The following QKI variants were observed in gnomAD, a reference collection of about 807,000 sequenced individuals.
The protein encoded by QKI is KH domain-containing RNA-binding protein QKI.
In QKI, 10 loss-of-function variants were observed where a neutral mutation model predicts 39.0. The ratio of observed to expected loss-of-function variants is 0.26; its 90% CI spans 0.16 to 0.43. The LOEUF (loss-of-function observed/expected upper bound fraction) is 0.43, where lower values mean the gene tolerates loss of function less well. QKI is among the 20% of genes least tolerant of loss of function. QKI has a pLI of 1.00. For missense variants in QKI, 218 were observed against 428.0 expected (o/e 0.51, Z 4.33); for synonymous variants, 204 against 155.4 (o/e 1.31, Z -2.33).
intron 3 of QKI, among the ~76,000 whole-genome samples, chr6:163,532,242 T>C (rs1042894718): frequency 6.6e-6 from 1 of 152,266 alleles, no homozygotes; most frequent in African/African-American, 2.4e-5. Flanking sequence ...TCCTCAGTTT[T>C]CATTGTATTA....
chr6:163,568,257 C>T, intron 7 of QKI: 1 of 985,018 alleles, frequency 1.0e-6, no homozygotes, highest in South Asian at 4.7e-5. Flanking sequence ...TTTTTTCCCC[C>T]AGCTAATCTT....
At chr6:163,570,325 G>A in intron 7 of QKI, 1 of 983,102 alleles carries the variant, frequency 1.0e-6, no homozygotes. Flanking sequence ...TAACTGCACT[G>A]ACTGTTTAAA....
intron 3 of QKI, among the ~76,000 whole-genome samples, chr6:163,534,578 T>A (rs1781077589): frequency 6.6e-6 from 1 of 152,210 alleles, no homozygotes; most frequent in Non-Finnish European, 1.5e-5. Flanking sequence ...TGACCTTCTG[T>A]TTACTTATAA....
intron 3 of QKI, among the ~76,000 whole-genome samples, chr6:163,503,340 A>G (rs1169949898): frequency 1.3e-5 from 2 of 151,988 alleles, no homozygotes; most frequent in Non-Finnish European, 2.9e-5. Flanking sequence ...GCATGTGGCT[A>G]GCCAGCTCTC....
chr6:163,458,043 C>T (rs1791059953), intron 2 of QKI, among the ~76,000 whole-genome samples: 1 of 152,156 alleles, frequency 6.6e-6, no homozygotes, highest in African/African-American at 2.4e-5. Context: ...GCAAGTACAG[C>T]TGACTCAGGC....
intron 3 of QKI, among the ~76,000 whole-genome samples, chr6:163,485,420 T>C (rs1015510155): frequency 6.6e-6 from 1 of 152,168 alleles, no homozygotes; most frequent in African/African-American, 2.4e-5. Context: ...CAGAACAGTG[T>C]TTTGCACGTA....
intron 1 of QKI, among the ~76,000 whole-genome samples, chr6:163,436,666 T>G (rs1168699805): frequency 6.6e-6 from 1 of 151,596 alleles, no homozygotes; most frequent in Non-Finnish European, 1.5e-5. Flanking sequence ...CTACAAAAAT[T>G]AGCTGGGCGT....
At chr6:163,515,736 G>T (rs1439965740) in intron 3 of QKI, among the ~76,000 whole-genome samples, 4 of 152,156 alleles carry the variant, frequency 2.6e-5, no homozygotes. Context: ...GGAATTTCAA[G>T]TGATCTTATT....
At chr6:163,420,431 G>A (rs1787906435) in intron 1 of QKI, among the ~76,000 whole-genome samples, 1 of 152,054 alleles carries the variant, frequency 6.6e-6, no homozygotes, top group Non-Finnish European at 1.5e-5. Flanking sequence ...AACTTAAAAG[G>A]CAGCCCACTG....
At chr6:163,513,916 G>A (rs1012286162) in intron 3 of QKI, among the ~76,000 whole-genome samples, 4 of 151,970 alleles carry the variant, frequency 2.6e-5, no homozygotes, top group Non-Finnish European at 5.9e-5. Context: ...ACAGGGTAAT[G>A]CAGAGGCCAG....
chr6:163,535,855 C>G lies in QKI; in HGVS notation c.546+730C>G, dbSNP rs569567927. On this transcript the variant is annotated intron_variant, in intron 4 of 7. Coordinates refer to ENST00000361752, the MANE Select transcript of QKI (RefSeq NM_006775.3). Reference sequence around the variant, plus strand: ...GCTGAGGCATGAGAATCGCCTGAGCCTGGGAGGCAGAGGTTGCAGTGAGCT... The same window carrying G: ...GCTGAGGCATGAGAATCGCCTGAGCGTGGGAGGCAGAGGTTGCAGTGAGCT... Among the ~76,000 whole-genome samples the G allele has an allele frequency of 2.6e-5, 4 of 152,222 alleles. No individual in the cohort carries two copies. In the East Asian group the frequency reaches 7.7e-4, roughly 29 times the overall value.
chr6:163,505,972 A>G (rs1449634575), intron 3 of QKI, among the ~76,000 whole-genome samples: 1 of 152,056 alleles, frequency 6.6e-6, no homozygotes, highest in Non-Finnish European at 1.5e-5. Flanking sequence ...ATTGGATCAT[A>G]GGGGTGGTTT....
chr6:163,427,686 C>A (rs960119947), intron 1 of QKI, among the ~76,000 whole-genome samples: 1 of 151,444 alleles, frequency 6.6e-6, no homozygotes, highest in Admixed American at 6.6e-5. Context: ...CATGTGTGTG[C>A]GCGCGTGTGT....
chr6:163,541,431 G>T (rs376558708), intron 4 of QKI, among the ~76,000 whole-genome samples: 2 of 150,666 alleles, frequency 1.3e-5, no homozygotes, highest in African/African-American at 4.9e-5. Context: ...CAGTAGTTGC[G>T]TGTATATTCT....
chr6:163,503,483 G>A (rs1332239392), intron 3 of QKI, among the ~76,000 whole-genome samples: 4 of 151,878 alleles, frequency 2.6e-5, no homozygotes, highest in Admixed American at 1.3e-4. Flanking sequence ...TGTTGGATGC[G>A]TAGCCTGTGA....
At chr6:163,418,678 G>A (rs1787747994) in intron 1 of QKI, among the ~76,000 whole-genome samples, 1 of 151,992 alleles carries the variant, frequency 6.6e-6, no homozygotes, top group African/African-American at 2.4e-5. Flanking sequence ...ATAAAACCTA[G>A]GTCTTAAACT....
At chr6:163,444,550 A>G (rs942419305) in intron 1 of QKI, among the ~76,000 whole-genome samples, 24 of 22,166 alleles carry the variant, frequency 1.1e-3, no homozygotes, top group African/African-American at 3.6e-3. Context: ...ATTAAAGAAA[A>G]TCTAAAACGT....
intron 1 of QKI, among the ~76,000 whole-genome samples, chr6:163,447,590 G>T (rs1247749390): frequency 6.6e-6 from 1 of 152,092 alleles, no homozygotes; most frequent in Non-Finnish European, 1.5e-5. Flanking sequence ...CTGTATGTGT[G>T]ATTGAGGACA....
At chr6:163,566,235 A>C in intron 6 of QKI, 1 of 1,274,888 alleles carries the variant, frequency 7.8e-7, no homozygotes, top group Non-Finnish European at 9.9e-7. Context: ...CACCTAATTC[A>C]TTGCAGTTCA....
Sources: gnomAD v4.1 joint callset for allele counts (sites outside exome capture counted in the v4.1 genomes callset) on GRCh38, gnomAD v4.1.1 for gene constraint, MANE v1.5 for transcripts, NCBI Gene and HGNC (gene_info 2026-07-23, HGNC 2026-07-21) for gene names.